NR5A2: variants seen among roughly 807,000 people sequenced by gnomAD.
The protein encoded by NR5A2 is nuclear receptor subfamily 5 group A member 2.
NR5A2 carries 26 observed loss-of-function variants against 62.7 expected under a neutral mutation model. That is an observed-to-expected ratio of 0.41 (90% CI 0.30 to 0.58). The LOEUF (loss-of-function observed/expected upper bound fraction) is 0.58, where lower values mean the gene tolerates loss of function less well. NR5A2 is among the 20% of genes least tolerant of loss of function. The pLI is 0.22. For synonymous variants in NR5A2, 246 were observed against 241.7 expected, an observed-to-expected ratio of 1.02 and a Z score of -0.16; for missense variants, 541 against 669.1, an observed-to-expected ratio of 0.81 and a Z score of 2.11.
At chr1:200,156,999 A>G (rs16846142) in intron 7 of NR5A2, among the ~76,000 whole-genome samples, 9,607 of 152,238 alleles carry the variant, frequency 0.063, 501 homozygotes, top group East Asian at 0.29. Context: ...TGACTGATAC[A>G]TTAGGCTTGG....
At chr1:200,168,442 C>T (rs1202637849) in intron 7 of NR5A2, among the ~76,000 whole-genome samples, 5 of 152,118 alleles carry the variant, frequency 3.3e-5, no homozygotes, top group Admixed American at 3.3e-4. Flanking sequence ...GTCTCAAACT[C>T]CTGGGCTGAA....
At chr1:200,084,009 A>AATAAT (rs1341225631) in intron 5 of NR5A2, among the ~76,000 whole-genome samples, 2 of 137,858 alleles carry the variant, frequency 1.5e-5, no homozygotes, top group Non-Finnish European at 3.2e-5. Context: ...ATAATAATAA[A>AATAAT]GTACAGTTTA....
chr1:200,090,006 T>A (rs1471276307), intron 5 of NR5A2, among the ~76,000 whole-genome samples: 3 of 151,068 alleles, frequency 2.0e-5, no homozygotes, highest in Non-Finnish European at 2.9e-5. Context: ...GGGGACTATT[T>A]GAAATGGGGA....
chr1:200,130,792 C>T (rs1666939166), intron 7 of NR5A2, among the ~76,000 whole-genome samples: 1 of 152,202 alleles, frequency 6.6e-6, no homozygotes, highest in Admixed American at 6.5e-5. Context: ...CACACACACA[C>T]TGCCACTGGC....
intron 5 of NR5A2, among the ~76,000 whole-genome samples, chr1:200,073,629 G>GGTT (rs1295804963): frequency 6.6e-6 from 1 of 151,912 alleles, no homozygotes; most frequent in Non-Finnish European, 1.5e-5. Context: ...TTTGATCCAT[G>GGTT]GTTGAATCCA....
Position 200,060,903 on chromosome 1 carries a change from A to G in NR5A2, c.1110+12085A>G, listed in dbSNP as rs190564676. 1.4e-4 allele frequency among the ~76,000 whole-genome samples: 21 copies of G among 148,016 alleles called. No individual in the cohort carries two copies. In the East Asian group the frequency reaches 4.2e-3, roughly 30 times the overall value. On this transcript the variant is annotated intron_variant, in intron 5 of 7. Coordinates refer to ENST00000367362, the MANE Select transcript of NR5A2 (RefSeq NM_205860.3). ...TGGATCACGAGGTCAGGAGTTCGAG[A>G]CCATCCTGGCCAAGATGGTGAAACC...
At chr1:200,061,558 G>A (rs570293228) in intron 5 of NR5A2, among the ~76,000 whole-genome samples, 3 of 152,210 alleles carry the variant, frequency 2.0e-5, no homozygotes, top group Non-Finnish European at 2.9e-5. Context: ...GATTACAGGC[G>A]TGAGCCACTG....
chr1:200,047,962 TATTTTTTTGATGACG>T (rs1662449183), intron 4 of NR5A2, among the ~76,000 whole-genome samples, 195 bp from the exon 5 acceptor site: 1 of 152,142 alleles, frequency 6.6e-6, no homozygotes, highest in South Asian at 2.1e-4. Flanking sequence ...GTGGCCAAAG[TATTTTTTTGATGACG>T]ACACACACTT....
chr1:200,094,181 G>T lies in NR5A2; in HGVS notation c.1111-17021G>T, dbSNP rs12065687. On this transcript the variant is annotated intron_variant, in intron 5 of 7. Transcript: ENST00000367362. The stretch of plus-strand genomic sequence containing the variant: ...GAGACGCTGTCTCAAAAAAAAAATT[G>T]GTTTTTTTTTTTCTTTTTTTGGAGA... Among the ~76,000 whole-genome samples the T allele has an allele frequency of 1.7e-3, 122 of 71,452 alleles. 2 individuals carry two copies. The East Asian group carries it at 0.058, about 34-fold the overall frequency. The allele number at this position is 71,452 out of a possible 152,430, so 46.9% of individuals were successfully genotyped here.
intron 7 of NR5A2, among the ~76,000 whole-genome samples, chr1:200,162,515 G>A (rs1348581864): frequency 6.6e-6 from 1 of 152,190 alleles, no homozygotes; most frequent in African/African-American, 2.4e-5. Context: ...ATGATTTTAA[G>A]CAGAGGGAAC....
chr1:200,051,564 C>T (rs574790486), intron 5 of NR5A2, among the ~76,000 whole-genome samples: 23 of 152,242 alleles, frequency 1.5e-4, no homozygotes, highest in South Asian at 4.1e-4. Flanking sequence ...ACGTGAGGGT[C>T]GTCTACAAGG....
intron 5 of NR5A2, among the ~76,000 whole-genome samples, chr1:200,097,336 A>T (rs1196367293): frequency 6.6e-6 from 1 of 152,206 alleles, no homozygotes; most frequent in Non-Finnish European, 1.5e-5. Flanking sequence ...ATGGGAAGGG[A>T]TACAGTTCTG....
In NR5A2 at chr1:200,164,138, C is replaced by T. The variant is rs147075555; in HGVS notation, c.1379-9825C>T. Among the ~76,000 whole-genome samples the T allele has an allele frequency of 4.0e-3, 603 of 152,264 alleles. 8 individuals carry two copies. Among genetic ancestry groups the T allele is most frequent in the South Asian group, 0.015 (73 of 4,818 alleles). ...GTGATGTGCCTGCCCCACCCTCACCCGCCACCATGATTTTAATCTTCTTGA... is the reference window on the plus strand; with the variant it reads ...GTGATGTGCCTGCCCCACCCTCACCTGCCACCATGATTTTAATCTTCTTGA... On this transcript the variant is annotated intron_variant, in intron 7 of 7. Transcript: ENST00000367362.
intron 7 of NR5A2, among the ~76,000 whole-genome samples, chr1:200,143,789 G>A (rs894167721): frequency 5.9e-5 from 9 of 151,754 alleles, no homozygotes; most frequent in African/African-American, 9.7e-5. Flanking sequence ...TTACAGGCGC[G>A]CGCCACCAGG....
Position 200,121,141 on chromosome 1 carries a change from G to C in NR5A2, c.1378+186G>C, listed in dbSNP as rs556491539. On this transcript the variant is annotated intron_variant, in intron 7 of 7. Coordinates refer to ENST00000367362, the MANE Select transcript of NR5A2 (RefSeq NM_205860.3). The stretch of plus-strand genomic sequence containing the variant: ...CTGCATGATGCATAGCCCTTCAGTG[G>C]ATACGTTGGGGAATGGAAAATGAGT... Among the ~76,000 whole-genome samples the C allele has an allele frequency of 3.3e-5, 5 of 152,244 alleles. 1 individual carries two copies. In the South Asian group the frequency reaches 1.0e-3, roughly 32 times the overall value.
At chr1:200,135,635 A>C (rs1380529052) in intron 7 of NR5A2, among the ~76,000 whole-genome samples, 1 of 152,136 alleles carries the variant, frequency 6.6e-6, no homozygotes, top group Non-Finnish European at 1.5e-5. Context: ...TGATGACTGC[A>C]AACTTGAATT....
intron 6 of NR5A2, among the ~76,000 whole-genome samples, chr1:200,119,161 T>C (rs1389079551): frequency 2.6e-5 from 4 of 152,182 alleles, no homozygotes; most frequent in Non-Finnish European, 4.4e-5. Context: ...GTACACCCAG[T>C]ATTCTCTAGT....
chr1:200,060,672 T>C (rs890395155), intron 5 of NR5A2, among the ~76,000 whole-genome samples: 2 of 152,314 alleles, frequency 1.3e-5, no homozygotes, highest in African/African-American at 4.8e-5. Flanking sequence ...CCAGAGATGG[T>C]CACTAGTGTC....
intron 5 of NR5A2, among the ~76,000 whole-genome samples, chr1:200,102,199 T>C (rs1008832371): frequency 2.6e-5 from 4 of 152,210 alleles, no homozygotes; most frequent in South Asian, 2.1e-4. Flanking sequence ...TTTGGAAACA[T>C]TGCACTTTGA....
Sources: allele counts gnomAD v4.1 joint callset (sites outside exome capture counted in the v4.1 genomes callset), GRCh38; gene constraint gnomAD v4.1.1; transcripts MANE v1.5; gene names NCBI Gene and HGNC (gene_info 2026-07-23, HGNC 2026-07-21).